Variants in RNF34 observed in about 807,000 individuals in gnomAD.
The protein encoded by RNF34 is ring finger protein 34, also known as E3 ubiquitin-protein ligase RNF34.
A neutral mutation model predicts 37.9 loss-of-function variants in RNF34; 12 were observed. The observed-to-expected ratio is 0.32, with a 90% CI of 0.20 to 0.51. The LOEUF (loss-of-function observed/expected upper bound fraction) is 0.51. RNF34 is among the 20% of genes least tolerant of loss of function. RNF34 has a pLI of 0.97. For missense variants in RNF34, 362 were observed against 472.7 expected (o/e 0.77, Z 2.17); for synonymous variants, 155 against 177.2 (o/e 0.87, Z 1.00).
intron 2 of RNF34, 120 bp downstream of exon 2, chr12:121,416,497 A>G (rs1871587360): frequency 1.4e-6 from 1 of 715,756 alleles, no homozygotes; most frequent in Admixed American, 2.7e-5. Context: ...GCTTAGTTCC[A>G]TTAGCCATTT....
At chr12:121,420,214 C>T (rs782314946) in intron 3 of RNF34, 28 bp from the exon 4 acceptor site, 2 of 1,604,306 alleles carry the variant, frequency 1.2e-6, no homozygotes, top group Admixed American at 3.3e-5. Flanking sequence ...TGATTCCTGA[C>T]CTAATCAGAT....
chr12:121,412,230 CTTTTT>C (rs560473770), intron 1 of RNF34, among the ~76,000 whole-genome samples: 1 of 49,610 alleles, frequency 2.0e-5, no homozygotes, highest in East Asian at 7.3e-4. Flanking sequence ...CCCAACTAAT[CTTTTT>C]TTTTTTTTTT....
At chr12:121,418,161 A>G in intron 3 of RNF34, 2 of 495,910 alleles carry the variant, frequency 4.0e-6, no homozygotes, top group Non-Finnish European at 7.2e-6. Context: ...GCCTTAGTTA[A>G]TTTCTCTGTC....
At position 121,417,891 on chromosome 12, in the gene RNF34, A is replaced by G. The variant is rs889098023; in HGVS notation, c.613A>G (p.Arg205Gly). The change falls in exon 3 of 6, where the codon AGA (arginine) becomes GGA (glycine). Residue 205 changes from arginine (R) to glycine (G), a missense_variant. Transcript: ENST00000361234. This position sits in a 1 kb window ranked among gnomAD's most constrained non-coding sequence, Gnocchi z 5.0. ...GCTTATGGATGGAGACCAAACATCC[A>G]GATCTGGAGTGCCGGCACAGGTACG... The part of the protein sequence containing the change: ...GELMDGDQTS[R>G]SGVPAQVQSE... 1 of 1,613,960 alleles carries G rather than the reference A, an allele frequency of 6.2e-7. No individual in the cohort carries two copies. Among genetic ancestry groups the G allele is most frequent in the Non-Finnish European group, 8.5e-7 (1 of 1,179,966 alleles).
At chr12:121,410,288 C>T (rs963415568) in intron 1 of RNF34, among the ~76,000 whole-genome samples, 33 of 152,098 alleles carry the variant, frequency 2.2e-4, no homozygotes, top group African/African-American at 7.5e-4. Flanking sequence ...CCTGTAATCC[C>T]AGCTCTTTGG....
intron 1 of RNF34, among the ~76,000 whole-genome samples, chr12:121,405,372 A>T (rs572685125): frequency 6.6e-6 from 1 of 151,420 alleles, no homozygotes; most frequent in Non-Finnish European, 1.5e-5. Flanking sequence ...ACTAGCTGGT[A>T]AGCTGCTCTT....
At position 121,400,127 on chromosome 12, in the gene RNF34, C is replaced by T. The variant is rs1352545163; in HGVS notation, c.-86C>T. 5.4e-6 allele frequency: 8 copies of T among 1,491,146 alleles called. No homozygotes were observed. Among genetic ancestry groups the T allele is most frequent in the Non-Finnish European group, 7.3e-6 (8 of 1,102,382 alleles). The allele number at this position is 1,491,146 out of a possible 1,614,324, so 92.4% of individuals were successfully genotyped here. A position where few individuals can be genotyped will look rare whatever the true frequency, so the allele number is the denominator to read the frequency against. On this transcript the variant is annotated 5_prime_UTR_variant, in exon 1 of 6. Coordinates refer to ENST00000361234, the MANE Select transcript of RNF34 (RefSeq NM_025126.4). ...CCTCCCGGGGCGCGGTAATCACCGC[C>T]CAGAGGGAAGGAGGTCGGCAGTGTG...
rs1264974936 is a variant in RNF34, at chr12:121,424,324, T to C, written c.*748T>C. 1.3e-5 allele frequency: 2 copies of C among 152,674 alleles called. No individual in the cohort carries two copies. The highest frequency in any genetic ancestry group is 6.5e-5 in the Admixed American group (1 of 15,288). 9.5% of individuals were successfully genotyped at this position (152,674 alleles called of 1,614,324 possible). A position where few individuals can be genotyped will look rare whatever the true frequency, so the allele number is the denominator to read the frequency against. ...GCTACCCGCTAGCTGATTTTAACTT[T>C]AGGAATAAAATTAGTTTTAAAAGCT... On this transcript the variant is annotated 3_prime_UTR_variant, in exon 6 of 6. Transcript: ENST00000361234.
chr12:121,405,292 G>A (rs1164487347), intron 1 of RNF34, among the ~76,000 whole-genome samples: 12 of 152,098 alleles, frequency 7.9e-5, no homozygotes, highest in Non-Finnish European at 1.8e-4. Flanking sequence ...GACATGCTTG[G>A]CTCAGTACTT....
rs73407607 is a variant in RNF34, at chr12:121,403,614, G to C, written c.6+3396G>C. 3.3e-3 allele frequency among the ~76,000 whole-genome samples: 505 copies of C among 152,208 alleles called. 3 individuals carry two copies. Among genetic ancestry groups the C allele is most frequent in the African/African-American group, 0.012 (484 of 41,532 alleles). On this transcript the variant is annotated intron_variant, in intron 1 of 5. Coordinates refer to ENST00000361234, the MANE Select transcript of RNF34 (RefSeq NM_025126.4). ...GTTTTAGCAAACTGAAGGTTGTCCA[G>C]AGTTTGAAACAAACCCTGGACATAT...
chr12:121,402,557 TA>T lies in RNF34; in HGVS notation c.6+2350del, dbSNP rs201268373. ...ATCCAATCAACTTCCTATAAGGGAT[TA>T]AAAAAAAAAATCCAAATTGGTGCCC... On this transcript the variant is annotated intron_variant, in intron 1 of 5. Coordinates refer to ENST00000361234, the MANE Select transcript of RNF34 (RefSeq NM_025126.4). 9.3e-4 allele frequency among the ~76,000 whole-genome samples: 138 copies of T among 148,942 alleles called. 1 individual carries two copies. Among genetic ancestry groups the T allele is most frequent in the Middle Eastern group, 6.9e-3 (2 of 288 alleles).
chr12:121,423,927 A>G lies in RNF34; in HGVS notation c.*351A>G, dbSNP rs1382833844. The G allele has an allele frequency of 5.0e-6, 1 of 199,632 alleles. No individual in the cohort carries two copies. The highest frequency in any genetic ancestry group is 1.0e-5 in the Non-Finnish European group (1 of 97,918). 12.4% of individuals were successfully genotyped at this position (199,632 alleles called of 1,614,324 possible). On this transcript the variant is annotated 3_prime_UTR_variant, in exon 6 of 6. Transcript: ENST00000361234. The surrounding 1 kb of genome is among the most constrained non-coding windows in gnomAD (Gnocchi z 4.3). ...CCCCTTCATCCTATTTTTAACTTAA[A>G]CTGCTCAGATGTTTGAAACTTCTGT...
intron 1 of RNF34, among the ~76,000 whole-genome samples, chr12:121,413,935 T>C (rs1871336143): frequency 6.6e-6 from 1 of 152,194 alleles, no homozygotes; most frequent in African/African-American, 2.4e-5. Flanking sequence ...AGACTTATAA[T>C]ATTGAAATCC....
intron 1 of RNF34, chr12:121,409,630 C>T (rs1286577868): frequency 6.6e-6 from 1 of 152,226 alleles, no homozygotes; most frequent in African/African-American, 2.4e-5. Context: ...AAATCAGAAC[C>T]TCTGGGCCTG....
intron 1 of RNF34, among the ~76,000 whole-genome samples, chr12:121,404,500 C>T (rs2136898432): frequency 7.0e-6 from 1 of 143,582 alleles, no homozygotes; most frequent in South Asian, 2.2e-4. Context: ...GATTCTCCTG[C>T]CTCAGCCTCC....
intron 1 of RNF34, among the ~76,000 whole-genome samples, chr12:121,413,537 G>A (rs909151586): frequency 3.8e-4 from 56 of 147,070 alleles, no homozygotes; most frequent in African/African-American, 1.2e-3. Context: ...TCAGCCTCCC[G>A]AGTAGCTGGG....
rs1871649970 is a variant in RNF34 at position 121,417,146 on chromosome 12, A to G, written c.226-358A>G. ...TGTCTCCTGCTCTTTAAATGGAGGA[A>G]ATTGTTCATGTAGGAAAAGACCAGG... On this transcript the variant is annotated intron_variant, in intron 2 of 5. Transcript: ENST00000361234. This position sits in a 1 kb window ranked among gnomAD's most constrained non-coding sequence, Gnocchi z 5.0. Among the ~76,000 whole-genome samples, 1 of 152,150 alleles carries G rather than the reference A, an allele frequency of 6.6e-6. No homozygotes were observed. The highest frequency in any genetic ancestry group is 1.5e-5 in the Non-Finnish European group (1 of 68,032).
chr12:121,409,308 T>C (rs917995440), intron 1 of RNF34: 3 of 152,152 alleles, frequency 2.0e-5, no homozygotes, highest in Non-Finnish European at 2.9e-5. Flanking sequence ...TCTTAAAGGA[T>C]TGGGTAAAAC....
intron 1 of RNF34, among the ~76,000 whole-genome samples, chr12:121,405,356 C>T (rs1312848217): frequency 6.6e-6 from 1 of 152,168 alleles, no homozygotes; most frequent in Non-Finnish European, 1.5e-5. Flanking sequence ...TTCTGGTCTC[C>T]ACTCAACTAG....
Sources: allele counts gnomAD v4.1 joint callset (sites outside exome capture counted in the v4.1 genomes callset), GRCh38; gene constraint gnomAD v4.1.1; non-coding constraint Gnocchi (gnomAD v3.1); transcripts MANE v1.5; gene names NCBI Gene and HGNC (gene_info 2026-07-23, HGNC 2026-07-21).